SHTN1: variants seen among roughly 807,000 people sequenced by gnomAD.
The protein encoded by SHTN1 is shootin-1.
SHTN1 carries 42 observed loss-of-function variants against 83.1 expected under a neutral mutation model. The ratio of observed to expected loss-of-function variants is 0.51; its 90% CI spans 0.39 to 0.65. The LOEUF (loss-of-function observed/expected upper bound fraction) is 0.65. Among genes scored for constraint, SHTN1 ranks in the 30% least tolerant of loss-of-function variants. The pLI is 0.00. For missense variants in SHTN1, 622 were observed against 737.8 expected (o/e 0.84, Z 1.82); for synonymous variants, 224 against 247.7 (o/e 0.90, Z 0.90).
At chr10:117,054,675 G>A (rs1009548981) in intron 1 of SHTN1, among the ~76,000 whole-genome samples, 3 of 151,894 alleles carry the variant, frequency 2.0e-5, no homozygotes, top group African/African-American at 7.3e-5. Flanking sequence ...CCAAAGTGCT[G>A]GGATTACAGC....
At chr10:117,111,056 G>T (rs1292019153) in intron 1 of SHTN1, among the ~76,000 whole-genome samples, 2 of 151,922 alleles carry the variant, frequency 1.3e-5, no homozygotes, top group Non-Finnish European at 2.9e-5. Flanking sequence ...AAATTAGCCT[G>T]GCGTGGTGGC....
intron 1 of SHTN1, among the ~76,000 whole-genome samples, chr10:117,096,595 ACTTTT>A (rs377563993): frequency 5.9e-5 from 9 of 152,232 alleles, no homozygotes; most frequent in African/African-American, 1.9e-4. Context: ...TCTGAACACT[ACTTTT>A]CTTTTCATTA....
At chr10:117,102,890 A>C (rs576692676) in intron 1 of SHTN1, among the ~76,000 whole-genome samples, 72 of 152,118 alleles carry the variant, frequency 4.7e-4, no homozygotes, top group African/African-American at 1.6e-3. Context: ...CGGCATCTTT[A>C]CTCTTTCAGT....
At chr10:117,077,453 T>C (rs1016679819) in intron 1 of SHTN1, among the ~76,000 whole-genome samples, 1 of 152,026 alleles carries the variant, frequency 6.6e-6, no homozygotes, top group Admixed American at 6.6e-5. Context: ...ATCACCAAAA[T>C]CTTTTTTTTT....
chr10:116,933,855 C>T (rs1849058459), intron 9 of SHTN1, among the ~76,000 whole-genome samples: 1 of 152,134 alleles, frequency 6.6e-6, no homozygotes, highest in African/African-American at 2.4e-5. Flanking sequence ...TTAATGATCG[C>T]CATTCTAACT....
chr10:117,061,264 A>G (rs1455410476), intron 1 of SHTN1, among the ~76,000 whole-genome samples: 1 of 149,860 alleles, frequency 6.7e-6, no homozygotes, highest in African/African-American at 2.5e-5. Flanking sequence ...CTCCTGCCTC[A>G]GCCTCCCGAG....
intron 1 of SHTN1, among the ~76,000 whole-genome samples, chr10:117,075,216 G>A (rs1853135486): frequency 6.6e-6 from 1 of 152,112 alleles, no homozygotes; most frequent in Non-Finnish European, 1.5e-5. Flanking sequence ...TCTGCATCCT[G>A]AGAATCAGTG....
At chr10:117,049,813 T>C (rs181527941) in intron 1 of SHTN1, among the ~76,000 whole-genome samples, 1 of 152,294 alleles carries the variant, frequency 6.6e-6, no homozygotes, top group East Asian at 1.9e-4. Flanking sequence ...TCTTAAATGT[T>C]TTTCGGTATG....
chr10:117,116,336 A>G (rs189310066), intron 1 of SHTN1, among the ~76,000 whole-genome samples: 1 of 152,276 alleles, frequency 6.6e-6, no homozygotes, highest in Admixed American at 6.5e-5. Flanking sequence ...AAATTCCTGG[A>G]CACATGCAAC....
chr10:116,934,207 C>T (rs1159990938), intron 9 of SHTN1, among the ~76,000 whole-genome samples: 1 of 152,122 alleles, frequency 6.6e-6, no homozygotes, highest in African/African-American at 2.4e-5. Flanking sequence ...GTTGCCATTG[C>T]TTTTGGTGTT....
chr10:117,055,732 G>A (rs759624766), intron 1 of SHTN1, among the ~76,000 whole-genome samples: 12 of 152,272 alleles, frequency 7.9e-5, no homozygotes, highest in Admixed American at 2.6e-4. Flanking sequence ...GCCAGGGATC[G>A]TGGTATGCAT....
chr10:117,043,119 TTATATTTA>T (rs1171170150), intron 2 of SHTN1, among the ~76,000 whole-genome samples: 5 of 102,692 alleles, frequency 4.9e-5, no homozygotes, highest in African/African-American at 1.1e-4. Flanking sequence ...AAGTGGATCT[TTATATTTA>T]TTTATTTATT....
chr10:117,062,723 T>TTA (rs1204140262), intron 1 of SHTN1, among the ~76,000 whole-genome samples: 2 of 152,190 alleles, frequency 1.3e-5, no homozygotes, highest in African/African-American at 2.4e-5. Context: ...GTATAACTCA[T>TTA]AGGTTAATGT....
In SHTN1 at chr10:116,940,629, C is replaced by A. The variant is rs1376752656; in HGVS notation, c.712-17G>T. On this transcript the variant is annotated splice_polypyrimidine_tract_variant and intron_variant, in intron 8 of 16. Transcript: ENST00000355371. ...AATGAACATCTGCAAAAGTTTGTTACAAGAATGTATATATCAATCAATCTC... is the reference window on the plus strand; with the variant it reads ...AATGAACATCTGCAAAAGTTTGTTAAAAGAATGTATATATCAATCAATCTC... 6.3e-7 allele frequency: 1 copy of A among 1,594,372 alleles called. No homozygotes were observed. The highest frequency in any genetic ancestry group is 2.2e-5 in the East Asian group (1 of 44,498).
In SHTN1 at chr10:116,990,287, CTTTTTTTT is replaced by C. The variant is rs11399364; in HGVS notation, c.59-10987_59-10980del. ...TCTTTTTTCTTTTTCTTTTTTCTTT[CTTTTTTTT>C]TTTTTTTTTGGTGTGGTTTGTCATA... On this transcript the variant is annotated intron_variant, in intron 1 of 16. Transcript: ENST00000355371. 3.1e-4 allele frequency among the ~76,000 whole-genome samples: 37 copies of C among 119,892 alleles called. 1 individual carries two copies. Among genetic ancestry groups the C allele is most frequent in the Admixed American group, 2.9e-3 (31 of 10,770 alleles). 78.7% of individuals were successfully genotyped at this position (119,892 alleles called of 152,430 possible). A position where few individuals can be genotyped will look rare whatever the true frequency, so the allele number is the denominator to read the frequency against.
At chr10:116,929,629 T>TA (rs1848876998) in intron 10 of SHTN1, among the ~76,000 whole-genome samples, 1 of 152,200 alleles carries the variant, frequency 6.6e-6, no homozygotes, top group Non-Finnish European at 1.5e-5. Context: ...ACAAGGGCTC[T>TA]AAGTCCAAAA....
intron 1 of SHTN1, among the ~76,000 whole-genome samples, chr10:117,113,481 C>CA (rs1853796740): frequency 1.3e-5 from 2 of 152,206 alleles, no homozygotes; most frequent in South Asian, 4.1e-4. Flanking sequence ...CTAAGTGCCC[C>CA]AGGAGGGTCA....
chr10:117,116,284 T>A (rs138096980), intron 1 of SHTN1, among the ~76,000 whole-genome samples: 3 of 151,830 alleles, frequency 2.0e-5, no homozygotes, highest in Non-Finnish European at 2.9e-5. Flanking sequence ...CTATTATGAA[T>A]AACTATATGT....
chr10:117,022,408 T>C (rs1852275954), intron 2 of SHTN1, among the ~76,000 whole-genome samples: 1 of 152,176 alleles, frequency 6.6e-6, no homozygotes, highest in Non-Finnish European at 1.5e-5. Flanking sequence ...AAACCTTATT[T>C]ATTAGTTGAA....
Sources: allele counts gnomAD v4.1 joint callset (sites outside exome capture counted in the v4.1 genomes callset), GRCh38; gene constraint gnomAD v4.1.1; transcripts MANE v1.5; gene names NCBI Gene and HGNC (gene_info 2026-07-23, HGNC 2026-07-21).